The following ZNF280D variants were observed in gnomAD, a reference collection of about 807,000 sequenced individuals.
ZNF280D encodes the protein zinc finger protein 280D.
A neutral mutation model predicts 94.7 loss-of-function variants in ZNF280D; 39 were observed. The observed-to-expected ratio is 0.41, with a 90% CI of 0.32 to 0.54. The LOEUF (loss-of-function observed/expected upper bound fraction) is 0.54, where lower values mean the gene tolerates loss of function less well. Ranked by LOEUF, ZNF280D falls within the 20% of genes least tolerant of loss-of-function variation. ZNF280D has a pLI of 0.22. For synonymous variants in ZNF280D, 398 were observed against 377.6 expected, an observed-to-expected ratio of 1.05 and a Z score of -0.63; for missense variants, 1,090 against 1,149.3, an observed-to-expected ratio of 0.95 and a Z score of 0.75.
intron 7 of ZNF280D, among the ~76,000 whole-genome samples, chr15:56,689,778 C>CA (rs1566986602): frequency 6.7e-6 from 1 of 149,994 alleles, no homozygotes; most frequent in Admixed American, 6.6e-5. Context: ...TATTCCAAGC[C>CA]AAAAAAAAAA....
At chr15:56,646,197 G>A (rs1258916688) in intron 19 of ZNF280D, among the ~76,000 whole-genome samples, 1 of 152,186 alleles carries the variant, frequency 6.6e-6, no homozygotes, top group Non-Finnish European at 1.5e-5. Flanking sequence ...GCCAAAATGG[G>A]AGGATAGCTT....
At chr15:56,650,310 T>C (rs2053132890) in intron 19 of ZNF280D, among the ~76,000 whole-genome samples, 1 of 152,114 alleles carries the variant, frequency 6.6e-6, no homozygotes, top group Admixed American at 6.6e-5. Context: ...ATTAGGGGGA[T>C]TTAATAAAGT....
At chr15:56,653,597 C>T (rs2053343076) in intron 19 of ZNF280D, 2 of 1,480,224 alleles carry the variant, frequency 1.4e-6, no homozygotes, top group South Asian at 2.6e-5. Flanking sequence ...GCTGCTTCTG[C>T]ATCTGAAAAA....
intron 19 of ZNF280D, among the ~76,000 whole-genome samples, chr15:56,650,858 A>C (rs1340556671): frequency 2.0e-5 from 3 of 152,166 alleles, no homozygotes; most frequent in Non-Finnish European, 4.4e-5. Context: ...TTCATGACTG[A>C]GTTTGACTTT....
chr15:56,658,511 A>G, intron 16 of ZNF280D, 25 bp from the exon 17 acceptor site: 2 of 1,494,398 alleles, frequency 1.3e-6, no homozygotes, highest in Non-Finnish European at 1.8e-6. Flanking sequence ...GAGATAGTAA[A>G]AATTTTATTA....
intron 1 of ZNF280D, among the ~76,000 whole-genome samples, chr15:56,717,727 A>ATACTGT (rs2058120951): frequency 6.6e-6 from 1 of 152,188 alleles, no homozygotes; most frequent in Admixed American, 6.6e-5. Flanking sequence ...TTAGTTATAC[A>ATACTGT]GGGTAAGTAT....
chr15:56,669,950 T>A (rs35233316), intron 13 of ZNF280D, among the ~76,000 whole-genome samples: 70 of 1,042 alleles, frequency 0.067, 16 homozygotes, highest in Admixed American at 0.11. Flanking sequence ...ATATATATAT[T>A]ATATATATAT....
intron 1 of ZNF280D, among the ~76,000 whole-genome samples, chr15:56,731,240 C>T (rs1415336164): frequency 6.6e-6 from 1 of 152,104 alleles, no homozygotes; most frequent in African/African-American, 2.4e-5. Context: ...CTGTGGCTCA[C>T]ATCTGTAATC....
chr15:56,687,811 T>C (rs2056131007), intron 9 of ZNF280D, among the ~76,000 whole-genome samples: 1 of 152,214 alleles, frequency 6.6e-6, no homozygotes, highest in South Asian at 2.1e-4. Context: ...GGCTATACTC[T>C]GAGAGTAAGG....
intron 16 of ZNF280D, among the ~76,000 whole-genome samples, chr15:56,664,130 TCA>T (rs1453709871): frequency 6.6e-6 from 1 of 152,058 alleles, no homozygotes; most frequent in East Asian, 1.9e-4. Flanking sequence ...TCTAAAGAAG[TCA>T]CAGAGGAGTA....
intron 1 of ZNF280D, among the ~76,000 whole-genome samples, chr15:56,725,622 C>T (rs1362302124): frequency 2.6e-5 from 4 of 151,858 alleles, no homozygotes; most frequent in Admixed American, 1.3e-4. Flanking sequence ...AAAGGGAGGA[C>T]CTAGTAGAAT....
chr15:56,731,628 G>A (rs12898521), intron 1 of ZNF280D, among the ~76,000 whole-genome samples: 72,983 of 151,812 alleles, frequency 0.48, 19,466 homozygotes, highest in East Asian at 0.61. Flanking sequence ...GTGTGATTGC[G>A]GTATTGTTAC....
At chr15:56,717,611 T>C (rs1348372174) in intron 1 of ZNF280D, among the ~76,000 whole-genome samples, 1 of 152,102 alleles carries the variant, frequency 6.6e-6, no homozygotes, top group African/African-American at 2.4e-5. Context: ...GTAATTAGTA[T>C]ACATTAACAT....
intron 13 of ZNF280D, among the ~76,000 whole-genome samples, chr15:56,676,450 C>G (rs902937295): frequency 1.3e-4 from 19 of 151,960 alleles, no homozygotes; most frequent in African/African-American, 4.6e-4. Flanking sequence ...TTCTAGCTAT[C>G]TTTCAGAATT....
chr15:56,703,135 C>A (rs370340458), intron 4 of ZNF280D, among the ~76,000 whole-genome samples: 1 of 152,090 alleles, frequency 6.6e-6, no homozygotes, highest in East Asian at 1.9e-4. Flanking sequence ...AGTATCTGCA[C>A]GTTAATATTA....
At chr15:56,645,579 T>C (rs1426309925) in intron 19 of ZNF280D, among the ~76,000 whole-genome samples, 1 of 152,112 alleles carries the variant, frequency 6.6e-6, no homozygotes, top group Non-Finnish European at 1.5e-5. Context: ...GGAGTTTCGT[T>C]CTTGTTGCCC....
Position 56,631,867 on chromosome 15 carries a change from T to C in ZNF280D, c.2571A>G (p.Ser857=). ...QEMELKMCQS[S]ENIILSDQIK... ...TCTGATCAGATAAGATTATGTTTTCTGAACTTTGGCACATCTTCAACTCCA... is the reference window on the plus strand; with the variant it reads ...TCTGATCAGATAAGATTATGTTTTCCGAACTTTGGCACATCTTCAACTCCA... Residue 857 remains serine (S), a synonymous_variant, in exon 22 of 22, where the codon TCA becomes TCG. Transcript: ENST00000267807. 6.2e-7 allele frequency: 1 copy of C among 1,613,826 alleles called. No individual in the cohort carries two copies. The highest frequency in any genetic ancestry group is 1.7e-5 in the Admixed American group (1 of 60,030).
At chr15:56,659,198 A>C (rs1231952015) in intron 16 of ZNF280D, among the ~76,000 whole-genome samples, 3 of 149,692 alleles carry the variant, frequency 2.0e-5, no homozygotes, top group African/African-American at 7.4e-5. Flanking sequence ...AAAAAAAAAA[A>C]GGAACTCATG....
intron 1 of ZNF280D, among the ~76,000 whole-genome samples, chr15:56,721,241 G>C (rs1304715553): frequency 2.6e-5 from 4 of 152,068 alleles, no homozygotes; most frequent in Admixed American, 6.5e-5. Flanking sequence ...AAAGTGTTGC[G>C]ATTACAGGCA....
Sources: allele counts gnomAD v4.1 joint callset (sites outside exome capture counted in the v4.1 genomes callset), GRCh38; gene constraint gnomAD v4.1.1; transcripts MANE v1.5; gene names NCBI Gene and HGNC (gene_info 2026-07-23, HGNC 2026-07-21).